PLEKHG4: variants seen among roughly 807,000 people sequenced by gnomAD.
PLEKHG4 encodes pleckstrin homology and RhoGEF domain containing G4.
In PLEKHG4, 85 loss-of-function variants were observed where a neutral mutation model predicts 136.9. That is an observed-to-expected ratio of 0.62 (90% CI 0.52 to 0.74). PLEKHG4 has a LOEUF of 0.74. Ranked by LOEUF, PLEKHG4 falls within the 30% of genes least tolerant of loss-of-function variation. PLEKHG4 has a pLI of 0.00. For synonymous variants in PLEKHG4, 577 were observed against 646.9 expected, an observed-to-expected ratio of 0.89 and a Z score of 1.64; for missense variants, 1,317 against 1,527.8, an observed-to-expected ratio of 0.86 and a Z score of 2.30.
At position 67,285,232 on chromosome 16, in the gene PLEKHG4, G is replaced by C; in HGVS notation, c.2195+17G>C. 6.2e-7 allele frequency: 1 copy of C among 1,613,714 alleles called. No homozygotes were observed. Among genetic ancestry groups the C allele is most frequent in the East Asian group, 2.2e-5 (1 of 44,884 alleles). On this transcript the variant is annotated intron_variant, in intron 13 of 21. Transcript: ENST00000379344. ...CCTCAACAGGTATGGGCAGTAGGCA[G>C]GGCGGGGAGGGCAGTAAAGGAGAGA...
chr16:67,289,059 A>AT lies in PLEKHG4; in HGVS notation c.*252dup, dbSNP rs2036625350. The AT allele has an allele frequency of 3.3e-6, 2 of 610,504 alleles. No homozygotes were observed. The highest frequency in any genetic ancestry group is 5.9e-6 in the Non-Finnish European group (2 of 337,784). 37.8% of individuals were successfully genotyped at this position (610,504 alleles called of 1,614,324 possible). ...ACCCCTTCTCCTGTCCCCAGCTCCC[A>AT]TCCCAGTTGTGGGTTAAGAATAGGC... On this transcript the variant is annotated 3_prime_UTR_variant, in exon 22 of 22. Transcript: ENST00000379344.
chr16:67,284,888 A>T lies in PLEKHG4; in HGVS notation c.1868A>T (p.Gln623Leu). Residue 623 changes from glutamine (Q) to leucine (L), a missense_variant, in exon 13 of 22, where the codon CAG becomes CTG. Coordinates refer to ENST00000379344, the MANE Select transcript of PLEKHG4 (RefSeq NM_001129729.3). The surrounding 1 kb of genome is among the most constrained non-coding windows in gnomAD (Gnocchi z 4.4). ...GGGCTGGGCTCAGAGGCCATCCGCC[A>T]GGAGTGCCGCTGGGCCTGGGCGCGG... ...ATGLGSEAIR[Q>L]ECRWAWARCQ... is the part of the protein sequence containing the mutation. 1 of 1,612,818 alleles carries T rather than the reference A, an allele frequency of 6.2e-7. No homozygotes were observed. Among genetic ancestry groups the T allele is most frequent in the South Asian group, 1.1e-5 (1 of 91,038 alleles).
chr16:67,281,649 T>C lies in PLEKHG4; in HGVS notation c.891+5T>C. ...GAAGTGCCTTCCGGGCTGCAGGTAC[T>C]AAGCCCAGTTGGCTAGGGGTAGAGG... On this transcript the variant is annotated splice_donor_5th_base_variant and intron_variant, in intron 6 of 21. Transcript: ENST00000379344. 1 of 1,613,666 alleles carries C rather than the reference T, an allele frequency of 6.2e-7. No individual in the cohort carries two copies. Among genetic ancestry groups the C allele is most frequent in the Non-Finnish European group, 8.5e-7 (1 of 1,179,616 alleles).
Position 67,289,133 on chromosome 16 carries a change from G to A in PLEKHG4, c.*325G>A, listed in dbSNP as rs2036627674. The stretch of plus-strand genomic sequence containing the variant: ...ATGCTGTAGGCTGGTGGGGGACCAT[G>A]TGCCTCTAGGCAGTGACTAGGGTGC... On this transcript the variant is annotated 3_prime_UTR_variant, in exon 22 of 22. Coordinates refer to ENST00000379344, the MANE Select transcript of PLEKHG4 (RefSeq NM_001129729.3). The A allele has an allele frequency of 2.0e-6, 1 of 501,988 alleles. No individual in the cohort carries two copies. The highest frequency in any genetic ancestry group is 3.6e-6 in the Non-Finnish European group (1 of 274,672). The allele number at this position is 501,988 out of a possible 1,614,324, so 31.1% of individuals were successfully genotyped here.
chr16:67,284,411 G>T lies in PLEKHG4; in HGVS notation c.1646G>T (p.Cys549Phe), dbSNP rs1159205516. ...TEFSRALAQR[C>F]QRLADAERLF... ...TTCTCTAGGGCTTTGGCCCAGCGGTGCCAGCGGCTGGCGGATGCTGAGAGG... is the reference window on the plus strand; with the variant it reads ...TTCTCTAGGGCTTTGGCCCAGCGGTTCCAGCGGCTGGCGGATGCTGAGAGG... The change falls in exon 12 of 22, where the codon TGC (cysteine) becomes TTC (phenylalanine). Residue 549 changes from cysteine to phenylalanine, a missense_variant. Coordinates refer to ENST00000379344, the MANE Select transcript of PLEKHG4 (RefSeq NM_001129729.3). This position sits in a 1 kb window ranked among gnomAD's most constrained non-coding sequence, Gnocchi z 4.4. 6.2e-7 allele frequency: 1 copy of T among 1,614,130 alleles called. No individual in the cohort carries two copies. The highest frequency in any genetic ancestry group is 8.5e-7 in the Non-Finnish European group (1 of 1,180,004).
At chr16:67,281,039 G>A (rs776143749) in intron 4 of PLEKHG4, 34 bp downstream of exon 4, 1 of 1,613,972 alleles carries the variant, frequency 6.2e-7, no homozygotes, top group South Asian at 1.1e-5. Flanking sequence ...CTGAGCCTGA[G>A]CCAGCTGTGA....
rs1254085405 is a variant in PLEKHG4, at chr16:67,288,211, GAC to G, written c.3267_3268del (p.Asp1089GlufsTer53). The G allele has an allele frequency of 6.2e-7, 1 of 1,613,926 alleles. No individual in the cohort carries two copies. The highest frequency in any genetic ancestry group is 8.5e-7 in the Non-Finnish European group (1 of 1,180,020). On this transcript the variant is annotated frameshift_variant, in exon 20 of 22. Transcript: ENST00000379344. LOFTEE classifies it high-confidence loss of function. Reference sequence around the variant, plus strand: ...CATTGCCGTAGCCCCGTTTGACCATGACAGCCTCTACCTGGGGGCCTCGAACT... The same window carrying G: ...CATTGCCGTAGCCCCGTTTGACCATGAGCCTCTACCTGGGGGCCTCGAACT... The part of the protein sequence containing the change: ...ASIAVAPFDH[D>X]SLYLGASNSL...
chr16:67,282,804 G>C lies in PLEKHG4; in HGVS notation c.1455G>C (p.Leu485=), dbSNP rs1175989132. 1 of 1,613,446 alleles carries C rather than the reference G, an allele frequency of 6.2e-7. No individual in the cohort carries two copies. The highest frequency in any genetic ancestry group is 1.1e-5 in the South Asian group (1 of 91,082). The change falls in exon 11 of 22, where the codon CTG becomes CTC. Residue 485 remains leucine (L), a synonymous_variant. Coordinates refer to ENST00000379344, the MANE Select transcript of PLEKHG4 (RefSeq NM_001129729.3). ...PALEEAGEPS[L]DMLLQAQGSF... is the part of the protein sequence containing the mutation. Reference sequence around the variant, plus strand: ...TGGAGGAGGCTGGGGAGCCCTCGCTGGACATGCTGCTCCAGGCCCAAGGCT... The same window carrying C: ...TGGAGGAGGCTGGGGAGCCCTCGCTCGACATGCTGCTCCAGGCCCAAGGCT...
At chr16:67,283,391 G>T (rs1597379969) in intron 11 of PLEKHG4, among the ~76,000 whole-genome samples, 1 of 152,282 alleles carries the variant, frequency 6.6e-6, no homozygotes, top group South Asian at 2.1e-4. Context: ...AATCAGGAAG[G>T]CCATGTAATC....
At position 67,286,942 on chromosome 16, in the gene PLEKHG4, C is replaced by T. The variant is rs766881175; in HGVS notation, c.2925+23C>T. ...AAGGTAGGCCTGCCCACCCCAGGCC[C>T]CACCACTTGTTTTCCCGCCCCATGC... On this transcript the variant is annotated intron_variant, in intron 17 of 21. Transcript: ENST00000379344. 3.1e-6 allele frequency: 5 copies of T among 1,613,150 alleles called. No homozygotes were observed. In the African/African-American group the frequency reaches 5.3e-5, roughly 17 times the overall value.
chr16:67,281,224 T>TA, intron 5 of PLEKHG4, 40 bp downstream of exon 5: 1 of 1,080,316 alleles, frequency 9.3e-7, no homozygotes, highest in Non-Finnish European at 1.3e-6. Flanking sequence ...CCTTTTCTTT[T>TA]CTTTTTTTTT....
In PLEKHG4 at chr16:67,289,322, C is replaced by T. The variant is rs937719709; in HGVS notation, c.*514C>T. 8 of 455,926 alleles carry T rather than the reference C, an allele frequency of 1.8e-5. No homozygotes were observed. The highest frequency in any genetic ancestry group is 3.9e-5 in the Admixed American group (1 of 25,744). The allele number at this position is 455,926 out of a possible 1,614,324, so 28.2% of individuals were successfully genotyped here. Reference sequence around the variant, plus strand: ...CAGCCCCTTTTTACTGGGGCAGTTTCGTTATTTTGACTTGATGCCTTTTGA... The same window carrying T: ...CAGCCCCTTTTTACTGGGGCAGTTTTGTTATTTTGACTTGATGCCTTTTGA... On this transcript the variant is annotated 3_prime_UTR_variant, in exon 22 of 22. Coordinates refer to ENST00000379344, the MANE Select transcript of PLEKHG4 (RefSeq NM_001129729.3).
Position 67,286,857 on chromosome 16 carries a change from T to G in PLEKHG4, c.2863T>G (p.Phe955Val). The G allele has an allele frequency of 1.2e-6, 2 of 1,614,138 alleles. No homozygotes were observed. Among genetic ancestry groups the G allele is most frequent in the Non-Finnish European group, 1.7e-6 (2 of 1,179,976 alleles). ...RIFLFEELLLFSKPRHGPTGV... is the reference protein window; with the variant it reads ...RIFLFEELLLVSKPRHGPTGV... ...CTTCCTTTTTGAGGAGCTGCTGCTC[T>G]TCAGCAAGCCTCGCCATGGGCCCAC... Residue 955 changes from phenylalanine (F) to valine (V), a missense_variant, in exon 17 of 22, where the codon TTC (phenylalanine) becomes GTC (valine). Physicochemically the swap from Phe to Val is conservative, Grantham distance 50 (BLOSUM62 -1). Transcript: ENST00000379344.
At position 67,287,947 on chromosome 16, in the gene PLEKHG4, C is replaced by T; in HGVS notation, c.3153C>T (p.Phe1051=). The T allele has an allele frequency of 6.2e-7, 1 of 1,614,136 alleles. No homozygotes were observed. Among genetic ancestry groups the T allele is most frequent in the Non-Finnish European group, 8.5e-7 (1 of 1,179,988 alleles). The stretch of plus-strand genomic sequence containing the variant: ...CCATGGGTGTGGGGAACAAGGCCTT[C>T]CGAGACATTGCTCCCAGCGAGGAAG... ...MVSMGVGNKA[F]RDIAPSEEAI... The change falls in exon 19 of 22, where the codon TTC becomes TTT. Residue 1051 remains phenylalanine, a synonymous_variant. Transcript: ENST00000379344.
At position 67,286,959 on chromosome 16, in the gene PLEKHG4, G is replaced by A. The variant is rs548109115; in HGVS notation, c.2925+40G>A. On this transcript the variant is annotated intron_variant, in intron 17 of 21. Coordinates refer to ENST00000379344, the MANE Select transcript of PLEKHG4 (RefSeq NM_001129729.3). ...CCCAGGCCCCACCACTTGTTTTCCCGCCCCATGCCTTACCAAGCCCCTCTC... is the reference window on the plus strand; with the variant it reads ...CCCAGGCCCCACCACTTGTTTTCCCACCCCATGCCTTACCAAGCCCCTCTC... 1.6e-5 allele frequency: 26 copies of A among 1,612,180 alleles called. 1 individual carries two copies. In the South Asian group the frequency reaches 1.6e-4, roughly 10 times the overall value.
chr16:67,279,464 C>A (rs1436124288), upstream of PLEKHG4: 2 of 151,802 alleles, frequency 1.3e-5, no homozygotes, highest in Non-Finnish European at 2.9e-5. Flanking sequence ...CTCCAGGGGG[C>A]GGCGCGGCGC....
intron 18 of PLEKHG4, chr16:67,287,684 C>T (rs964625446): frequency 4.0e-5 from 25 of 621,142 alleles, no homozygotes; most frequent in African/African-American, 1.6e-4. Flanking sequence ...TGAGCCACTG[C>T]GCCCAGCCAG....
At position 67,287,997 on chromosome 16, in the gene PLEKHG4, A is replaced by G. The variant is rs2036558026; in HGVS notation, c.3203A>G (p.Tyr1068Cys). 1.2e-6 allele frequency: 2 copies of G among 1,611,798 alleles called. No individual in the cohort carries two copies. The highest frequency in any genetic ancestry group is 1.7e-6 in the Non-Finnish European group (2 of 1,178,124). Residue 1068 changes from tyrosine to cysteine, a missense_variant, in exon 19 of 22, where the codon TAT (tyrosine) becomes TGT (cysteine). Tyr to Cys is a radical substitution (Grantham distance 194). Coordinates refer to ENST00000379344, the MANE Select transcript of PLEKHG4 (RefSeq NM_001129729.3). Reference protein sequence around the residue: ...EEAINDRTVNYVLKCREVRSR... With the variant: ...EEAINDRTVNCVLKCREVRSR... ...GCCATCAACGACCGCACCGTCAACTATGTCCTGAAGTGCCGAGGTAGCAGG... is the reference window on the plus strand; with the variant it reads ...GCCATCAACGACCGCACCGTCAACTGTGTCCTGAAGTGCCGAGGTAGCAGG...
intron 19 of PLEKHG4, 46 bp from the exon 20 acceptor site, chr16:67,288,121 A>T: frequency 6.3e-7 from 1 of 1,580,092 alleles, no homozygotes; most frequent in Non-Finnish European, 8.7e-7. Flanking sequence ...ATCTGGGGCC[A>T]GGCTAGGCTC....
Sources: allele counts gnomAD v4.1 joint callset (sites outside exome capture counted in the v4.1 genomes callset), GRCh38; gene constraint gnomAD v4.1.1; non-coding constraint Gnocchi (gnomAD v3.1); transcripts MANE v1.5; gene names NCBI Gene and HGNC (gene_info 2026-07-23, HGNC 2026-07-21).